SIGLEC9: variants seen among roughly 807,000 people sequenced by gnomAD.
SIGLEC9 encodes sialic acid binding Ig like lectin 9.
Under a neutral mutation model 38.3 loss-of-function variants are expected in SIGLEC9, and 26 were observed. The ratio of observed to expected loss-of-function variants is 0.68; its 90% CI spans 0.50 to 0.94. The LOEUF is 0.94. SIGLEC9 is among the 40% of genes least tolerant of loss of function. The pLI is 0.00. For missense variants in SIGLEC9, 556 were observed against 585.7 expected (o/e 0.95, Z 0.52); for synonymous variants, 236 against 248.0 (o/e 0.95, Z 0.45).
chr19:51,130,269 C>T lies in SIGLEC9; in HGVS notation c.*190C>T, dbSNP rs1411480127. ...TCTCAAACCTGAATCCACACTGTGC[C>T]CTCCCTTTTATTTTTTTAACTAAAA... On this transcript the variant is annotated 3_prime_UTR_variant, in exon 7 of 7. Coordinates refer to ENST00000250360, the MANE Select transcript of SIGLEC9 (RefSeq NM_014441.3). 1.2e-5 allele frequency: 14 copies of T among 1,134,032 alleles called. No individual in the cohort carries two copies. Among genetic ancestry groups the T allele is most frequent in the Non-Finnish European group, 1.3e-5 (11 of 878,980 alleles). The allele number at this position is 1,134,032 out of a possible 1,614,324, so 70.2% of individuals were successfully genotyped here.
At chr19:51,122,977 G>A (rs1311174580), upstream of SIGLEC9, 1 of 152,696 alleles carries the variant, frequency 6.5e-6, no homozygotes, top group East Asian at 1.9e-4. The surrounding 1 kb of genome is among the most constrained non-coding windows in gnomAD (Gnocchi z 4.1). Flanking sequence ...TGAGTTGCAG[G>A]ACAGCTGCTG....
chr19:51,126,166 G>A (rs761161812), intron 3 of SIGLEC9, 38 bp downstream of exon 3: 1 of 1,589,078 alleles, frequency 6.3e-7, no homozygotes, highest in Non-Finnish European at 8.6e-7. Context: ...GGAGGAGCAG[G>A]GCCTTCAGGT....
At chr19:51,127,882 G>T in intron 4 of SIGLEC9, 67 bp from the exon 5 acceptor site, 3 of 899,988 alleles carry the variant, frequency 3.3e-6, no homozygotes, top group Non-Finnish European at 5.5e-6. Flanking sequence ...GACCCTACAG[G>T]AAGTGGGAGG....
At chr19:51,125,567 C>A (rs1380294670) in intron 1 of SIGLEC9, 30 bp from the exon 2 acceptor site, 2 of 1,606,316 alleles carry the variant, frequency 1.2e-6, no homozygotes, top group Non-Finnish European at 1.7e-6. Flanking sequence ...GATCCTCTGA[C>A]CTGATCCTGA....
intron 6 of SIGLEC9, among the ~76,000 whole-genome samples, chr19:51,129,146 G>GTT (rs750894593): frequency 1.4e-4 from 19 of 136,196 alleles, no homozygotes; most frequent in Admixed American, 6.4e-4. Flanking sequence ...GACTTTTTTT[G>GTT]TTTTTTTTTT....
chr19:51,127,370 G>A (rs1023126561), intron 4 of SIGLEC9, 74 bp downstream of exon 4: 22 of 1,460,830 alleles, frequency 1.5e-5, no homozygotes, highest in South Asian at 4.0e-5. Context: ...ACTGCTGAGC[G>A]TGGACCTTCA....
chr19:51,130,091 GACTCACC>G lies in SIGLEC9; in HGVS notation c.*13_*19del, dbSNP rs1383393577. ...AGATCCACAGATGAGAAACTGCAGA[GACTCACC>G]CTGATTGAGGGATCACAGCCCCTCC... is the stretch of plus-strand genomic sequence containing the variant. On this transcript the variant is annotated 3_prime_UTR_variant, in exon 7 of 7. Coordinates refer to ENST00000250360, the MANE Select transcript of SIGLEC9 (RefSeq NM_014441.3). 6.3e-7 allele frequency: 1 copy of G among 1,595,684 alleles called. No homozygotes were observed. Among genetic ancestry groups the G allele is most frequent in the East Asian group, 2.2e-5 (1 of 44,596 alleles).
chr19:51,121,613 T>G (rs2091950455), upstream of SIGLEC9, among the ~76,000 whole-genome samples: 4 of 139,878 alleles, frequency 2.9e-5, no homozygotes, highest in Admixed American at 2.9e-4. Context: ...GAAGATGAAG[T>G]TTCGCTCTTG....
upstream of SIGLEC9, among the ~76,000 whole-genome samples, chr19:51,121,377 C>T (rs1306262543): frequency 6.6e-6 from 1 of 151,742 alleles, no homozygotes; most frequent in Non-Finnish European, 1.5e-5. Flanking sequence ...ACTTTCTGCC[C>T]CTTGATCCTC....
In SIGLEC9 at chr19:51,127,260, G is replaced by A. The variant is rs751743147; in HGVS notation, c.979G>A (p.Gly327Ser). The change falls in exon 4 of 7, where the codon GGC (glycine) becomes AGC (serine). Residue 327 changes from glycine to serine, a missense_variant. Gly to Ser is a moderately conservative substitution (Grantham distance 56). Coordinates refer to ENST00000250360, the MANE Select transcript of SIGLEC9 (RefSeq NM_014441.3). The part of the protein sequence containing the change: ...EFTCRAQNPL[G>S]SQQVYLNVSL... The stretch of plus-strand genomic sequence containing the variant: ...CACCTGCAGAGCTCAGAACCCTCTC[G>A]GCTCTCAGCAGGTCTACCTGAACGT... The A allele has an allele frequency of 3.7e-5, 60 of 1,613,680 alleles. No individual in the cohort carries two copies. The highest frequency in any genetic ancestry group is 4.8e-5 in the Non-Finnish European group (57 of 1,179,804).
downstream of SIGLEC9, among the ~76,000 whole-genome samples, chr19:51,134,340 C>T (rs1014069890): frequency 2.0e-5 from 3 of 151,522 alleles, no homozygotes; most frequent in African/African-American, 7.3e-5. Flanking sequence ...AGATGACCAC[C>T]ATGTTGGCCA....
chr19:51,134,147 CTTTTTTT>C (rs71185802), downstream of SIGLEC9, among the ~76,000 whole-genome samples: 77 of 66,526 alleles, frequency 1.2e-3, no homozygotes, highest in Non-Finnish European at 1.6e-3. Context: ...TCTTTCTTTT[CTTTTTTT>C]TTTTTTTTTT....
downstream of SIGLEC9, among the ~76,000 whole-genome samples, chr19:51,134,358 C>T (rs547952419): frequency 6.6e-6 from 1 of 151,914 alleles, no homozygotes; most frequent in South Asian, 2.1e-4. Flanking sequence ...CCAAGACCAC[C>T]ATGTTGGCCA....
chr19:51,122,245 C>T (rs2091951566), upstream of SIGLEC9, among the ~76,000 whole-genome samples: 1 of 152,114 alleles, frequency 6.6e-6, no homozygotes, highest in African/African-American at 2.4e-5. This position sits in a 1 kb window ranked among gnomAD's most constrained non-coding sequence, Gnocchi z 4.1. Flanking sequence ...TCCTTCCCTC[C>T]AGGGTCTGTC....
At position 51,130,300 on chromosome 19, in the gene SIGLEC9, A is replaced by G; in HGVS notation, c.*221A>G. 1.2e-6 allele frequency: 1 copy of G among 829,832 alleles called. No individual in the cohort carries two copies. Among genetic ancestry groups the G allele is most frequent in the Non-Finnish European group, 1.6e-6 (1 of 608,776 alleles). The allele number at this position is 829,832 out of a possible 1,614,324, so 51.4% of individuals were successfully genotyped here. Reference sequence around the variant, plus strand: ...TTTTATTTTTTTAACTAAAAGACAGACAAATTCCTACCTCTCTGTACCTTG... The same window carrying G: ...TTTTATTTTTTTAACTAAAAGACAGGCAAATTCCTACCTCTCTGTACCTTG... On this transcript the variant is annotated 3_prime_UTR_variant, in exon 7 of 7. Transcript: ENST00000250360.
upstream of SIGLEC9, among the ~76,000 whole-genome samples, chr19:51,121,739 A>T (rs2091950676): frequency 6.6e-6 from 1 of 151,770 alleles, no homozygotes; most frequent in Non-Finnish European, 1.5e-5. Context: ...GGAGCATGCC[A>T]CCATGCCTGG....
chr19:51,128,621 C>G (rs1439029777), intron 6 of SIGLEC9, 111 bp downstream of exon 6: 1 of 895,138 alleles, frequency 1.1e-6, no homozygotes, highest in East Asian at 2.6e-5. Flanking sequence ...CTCTGTTCTT[C>G]CTTTCTTCTC....
exon 7 of SIGLEC9, chr19:51,136,208 A>G (rs1221649834): frequency 1.4e-6 from 1 of 702,428 alleles, no homozygotes; most frequent in Non-Finnish European, 2.6e-6. Context: ...ATGTTCCTTT[A>G]ATCTTTGAAG....
At chr19:51,129,146 GTT>G (rs750894593) in intron 6 of SIGLEC9, among the ~76,000 whole-genome samples, 9 of 136,160 alleles carry the variant, frequency 6.6e-5, no homozygotes, top group African/African-American at 5.9e-5. Context: ...GACTTTTTTT[GTT>G]TTTTTTTTTT....
Sources: allele counts gnomAD v4.1 joint callset (sites outside exome capture counted in the v4.1 genomes callset), GRCh38; gene constraint gnomAD v4.1.1; non-coding constraint Gnocchi (gnomAD v3.1); transcripts MANE v1.5; gene names NCBI Gene and HGNC (gene_info 2026-07-23, HGNC 2026-07-21).